The following ADGRL3 variants were observed in gnomAD, a reference collection of about 807,000 sequenced individuals.
ADGRL3 encodes calcium-independent alpha-latrotoxin receptor 3.
In ADGRL3, 62 loss-of-function variants were observed where a neutral mutation model predicts 153.5. The ratio of observed to expected loss-of-function variants is 0.40; its 90% confidence interval spans 0.33 to 0.50. The LOEUF is 0.50. ADGRL3 is among the 20% of genes least tolerant of loss of function. The pLI, the probability that ADGRL3 is intolerant of heterozygous loss-of-function variation, is 0.47. For missense variants in ADGRL3, 1,641 were observed against 1,859.4 expected, an observed-to-expected ratio of 0.88 and a Z score of 2.16; for synonymous variants, 710 against 672.5, an observed-to-expected ratio of 1.06 and a Z score of -0.86.
intron 1 of ADGRL3, among the ~76,000 whole-genome samples, chr4:61,365,496 G>T (rs2096379010): frequency 6.6e-6 from 1 of 152,134 alleles, no homozygotes; most frequent in Non-Finnish European, 1.5e-5. Flanking sequence ...TATCTGCCTT[G>T]GTGCCTCACT....
intron 2 of ADGRL3, among the ~76,000 whole-genome samples, chr4:61,465,996 C>T (rs1049840916): frequency 6.6e-6 from 1 of 151,654 alleles, no homozygotes; most frequent in African/African-American, 2.4e-5. Context: ...GCAGCATGTA[C>T]TTGTAATCCC....
chr4:61,843,503 A>G (rs1204344756), intron 9 of ADGRL3, among the ~76,000 whole-genome samples: 1 of 152,158 alleles, frequency 6.6e-6, no homozygotes, highest in Non-Finnish European at 1.5e-5. Flanking sequence ...GGCTGATACA[A>G]TATGCAAGAG....
intron 4 of ADGRL3, among the ~76,000 whole-genome samples, chr4:61,523,478 A>T (rs927053245): frequency 6.6e-6 from 1 of 152,068 alleles, no homozygotes; most frequent in Non-Finnish European, 1.5e-5. Context: ...GAGGTTTGCC[A>T]TTTTAGACAA....
chr4:61,580,299 T>C (rs1473495041), intron 4 of ADGRL3, among the ~76,000 whole-genome samples: 1 of 152,024 alleles, frequency 6.6e-6, no homozygotes, highest in East Asian at 1.9e-4. Context: ...ATCAGTGAGA[T>C]GCAGGGGCAA....
At chr4:61,969,806 C>G (rs1358484625) in intron 17 of ADGRL3, among the ~76,000 whole-genome samples, 4 of 152,118 alleles carry the variant, frequency 2.6e-5, no homozygotes, top group Non-Finnish European at 5.9e-5. Flanking sequence ...AGAAAACTTG[C>G]AGGAGCCATT....
At chr4:61,528,315 C>T (rs2098586975) in intron 4 of ADGRL3, among the ~76,000 whole-genome samples, 1 of 152,006 alleles carries the variant, frequency 6.6e-6, no homozygotes, top group Non-Finnish European at 1.5e-5. Context: ...GTGTCACTTC[C>T]TCTGGGAAGT....
At chr4:61,206,736 C>T (rs1737387949) in intron 1 of ADGRL3, among the ~76,000 whole-genome samples, 1 of 152,118 alleles carries the variant, frequency 6.6e-6, no homozygotes, top group Admixed American at 6.5e-5. Context: ...AATCCTAGCA[C>T]TTTGGGAGGC....
At chr4:61,774,817 A>G (rs1013200685) in intron 8 of ADGRL3, among the ~76,000 whole-genome samples, 1 of 152,180 alleles carries the variant, frequency 6.6e-6, no homozygotes, top group East Asian at 1.9e-4. Context: ...ATGTATGGGG[A>G]AAAACCTGGT....
intron 4 of ADGRL3, among the ~76,000 whole-genome samples, chr4:61,581,540 A>C (rs2098925522): frequency 6.6e-6 from 1 of 152,166 alleles, no homozygotes; most frequent in Admixed American, 6.5e-5. Context: ...AAAGGGCCAT[A>C]GTTGCTGTGT....
chr4:61,920,359 T>C (rs1450894), intron 13 of ADGRL3, among the ~76,000 whole-genome samples: 4,598 of 152,278 alleles, frequency 0.03, 184 homozygotes, highest in East Asian at 0.19. Flanking sequence ...ATTAACTTTT[T>C]TGGTACAGGT....
chr4:61,407,072 A>G (rs1044283567), intron 2 of ADGRL3, among the ~76,000 whole-genome samples: 3 of 152,116 alleles, frequency 2.0e-5, no homozygotes, highest in African/African-American at 4.8e-5. Context: ...AAATAATTAT[A>G]CAAATAATTC....
At chr4:61,532,742 T>C (rs1383291115) in intron 4 of ADGRL3, among the ~76,000 whole-genome samples, 3 of 150,224 alleles carry the variant, frequency 2.0e-5, no homozygotes, top group Non-Finnish European at 4.4e-5. Context: ...CTCTGTTTTA[T>C]TTAGATGTTT....
chr4:61,606,615 G>C (rs1458922464), intron 5 of ADGRL3, among the ~76,000 whole-genome samples: 2 of 152,086 alleles, frequency 1.3e-5, no homozygotes, highest in Non-Finnish European at 2.9e-5. Context: ...ACCTCGTTTA[G>C]TCTTTTTAAA....
At chr4:61,488,586 C>T (rs1172871602) in intron 2 of ADGRL3, among the ~76,000 whole-genome samples, 1 of 151,982 alleles carries the variant, frequency 6.6e-6, no homozygotes, top group Non-Finnish European at 1.5e-5. Context: ...ACTCTCCCTA[C>T]TCCCAATTTG....
At chr4:61,331,038 G>A (rs556661753) in intron 1 of ADGRL3, among the ~76,000 whole-genome samples, 12 of 152,288 alleles carry the variant, frequency 7.9e-5, no homozygotes, top group African/African-American at 2.9e-4. Flanking sequence ...CATGGGTCAA[G>A]TGGTTCCTGC....
intron 1 of ADGRL3, among the ~76,000 whole-genome samples, chr4:61,234,835 T>C (rs2149243593): frequency 6.6e-6 from 1 of 152,140 alleles, no homozygotes. Flanking sequence ...TCCCCATTGG[T>C]TGGGAAAGAA....
chr4:61,876,957 G>C (rs991081169), intron 9 of ADGRL3, among the ~76,000 whole-genome samples: 2 of 148,558 alleles, frequency 1.3e-5, no homozygotes, highest in Non-Finnish European at 3.0e-5. Flanking sequence ...TTGAAGATGA[G>C]AAGGGACCTT....
intron 21 of ADGRL3, among the ~76,000 whole-genome samples, chr4:62,025,669 G>A (rs1448074594): frequency 2.0e-5 from 3 of 152,070 alleles, no homozygotes; most frequent in African/African-American, 7.2e-5. Context: ...TTTCTTCTAT[G>A]AGGAATAGTT....
At chr4:61,701,684 G>T (rs779482390) in intron 6 of ADGRL3, among the ~76,000 whole-genome samples, 1 of 151,876 alleles carries the variant, frequency 6.6e-6, no homozygotes, top group Non-Finnish European at 1.5e-5. Context: ...TGATACACCT[G>T]CCTCATCCTC....
Sources: allele counts gnomAD v4.1 joint callset (sites outside exome capture counted in the v4.1 genomes callset), GRCh38; gene constraint gnomAD v4.1.1; transcripts MANE v1.5; gene names NCBI Gene and HGNC (gene_info 2026-07-23, HGNC 2026-07-21).